Variants in PLEKHG4B observed in about 807,000 individuals in gnomAD.
The protein encoded by PLEKHG4B is pleckstrin homology and RhoGEF domain containing G4B, also known as pleckstrin homology domain-containing family G member 4B.
PLEKHG4B carries 111 observed loss-of-function variants against 121.3 expected under a neutral mutation model. The observed-to-expected ratio is 0.92, with a 90% CI of 0.78 to 1.07. The LOEUF is 1.07. Ranked by LOEUF, PLEKHG4B falls within the 50% of genes least tolerant of loss-of-function variation. PLEKHG4B has a pLI of 0.00. For synonymous variants in PLEKHG4B, 738 were observed against 725.0 expected, an observed-to-expected ratio of 1.02 and a Z score of -0.29; for missense variants, 1,831 against 1,757.8, an observed-to-expected ratio of 1.04 and a Z score of -0.74.
chr5:98,837 C>CTTTTTTCT (rs1733707022), intron 1 of PLEKHG4B, among the ~76,000 whole-genome samples: 1 of 79,238 alleles, frequency 1.3e-5, no homozygotes, highest in African/African-American at 5.2e-5. Context: ...TTGAATTTTC[C>CTTTTTTCT]TTTTTTTTTT....
In PLEKHG4B at chr5:140,404, G is replaced by A; in HGVS notation, c.1165G>A (p.Gly389Arg). 2 of 1,554,918 alleles carry A rather than the reference G, an allele frequency of 1.3e-6. No homozygotes were observed. Among genetic ancestry groups the A allele is most frequent in the Non-Finnish European group, 1.7e-6 (2 of 1,150,078 alleles). ...CCTGACTGGAGCCAGCAGGGACCTG[G>A]GGACTGGGGCAGTAGCCAGTGGGAC... ...SSLTGASRDL[G>R]TGAVASGTQE... The change falls in exon 3 of 20, where the codon GGG (glycine) becomes AGG (arginine). Residue 389 changes from glycine (G) to arginine (R), a missense_variant. Physicochemically the swap from Gly to Arg is moderately radical, Grantham distance 125. Coordinates refer to ENST00000637938, the MANE Select transcript of PLEKHG4B (RefSeq NM_052909.5).
rs1328377792 is a variant in PLEKHG4B, at chr5:144,520, T to C, written c.1812-307T>C. ...AGAAGGCCCTGAAGTCCTTGCTCCC[T>C]TGATGGAGCACGGCCCATTTCGTCC... On this transcript the variant is annotated intron_variant, in intron 5 of 19. Transcript: ENST00000637938. Among the ~76,000 whole-genome samples the C allele has an allele frequency of 2.0e-5, 3 of 152,308 alleles. No homozygotes were observed. In the East Asian group the frequency reaches 5.8e-4, roughly 29 times the overall value.
intron 6 of PLEKHG4B, among the ~76,000 whole-genome samples, chr5:148,344 CA>C (rs71590513): frequency 0.11 from 10,266 of 94,386 alleles, 657 homozygotes; most frequent in African/African-American, 0.22. Context: ...AACAGTTCCA[CA>C]AAAAAAAAAA....
chr5:96,439 A>G (rs931819678), intron 1 of PLEKHG4B, among the ~76,000 whole-genome samples: 11 of 152,272 alleles, frequency 7.2e-5, no homozygotes, highest in Middle Eastern at 3.2e-3. Flanking sequence ...GATATCACCA[A>G]GAAATAGGAA....
chr5:95,340 C>A (rs1314584377), intron 1 of PLEKHG4B, among the ~76,000 whole-genome samples: 1 of 152,110 alleles, frequency 6.6e-6, no homozygotes, highest in Admixed American at 6.5e-5. Context: ...CGCCCACATC[C>A]ACCCTGTGCC....
chr5:107,575 G>A (rs1734013163), intron 1 of PLEKHG4B, among the ~76,000 whole-genome samples: 1 of 152,230 alleles, frequency 6.6e-6, no homozygotes, highest in Admixed American at 6.5e-5. Flanking sequence ...CTTCCGGGAA[G>A]CTGGCCTAGA....
At chr5:111,414 A>G (rs867228524) in intron 1 of PLEKHG4B, among the ~76,000 whole-genome samples, 1 of 152,350 alleles carries the variant, frequency 6.6e-6, no homozygotes, top group Non-Finnish European at 1.5e-5. Context: ...GGAATCAGGC[A>G]GAGGTAGGGT....
chr5:146,842 C>G (rs560107142), intron 6 of PLEKHG4B, among the ~76,000 whole-genome samples: 1 of 151,260 alleles, frequency 6.6e-6, no homozygotes, highest in East Asian at 2.0e-4. Context: ...TTAGAGTGAA[C>G]CTGCCTCTTG....
chr5:177,149 A>T lies in PLEKHG4B; in HGVS notation c.4402+3051A>T, dbSNP rs6889904. Among the ~76,000 whole-genome samples, 341 of 152,082 alleles carry T rather than the reference A, an allele frequency of 2.2e-3. 2 individuals are homozygous for T. The highest frequency in any genetic ancestry group is 7.7e-3 in the African/African-American group (320 of 41,460). On this transcript the variant is annotated intron_variant, in intron 18 of 19. Transcript: ENST00000637938. Reference sequence around the variant, plus strand: ...ACTCTTTGTTATTTTCTTGTGTCTAACTTTTTCAGTGTTTCATTTGCTTTT... The same window carrying T: ...ACTCTTTGTTATTTTCTTGTGTCTATCTTTTTCAGTGTTTCATTTGCTTTT...
At chr5:121,064 G>A (rs1341539123) in intron 2 of PLEKHG4B, among the ~76,000 whole-genome samples, 1 of 151,928 alleles carries the variant, frequency 6.6e-6, no homozygotes, top group East Asian at 1.9e-4. Flanking sequence ...GGCTAACACG[G>A]TGAAACTCCA....
intron 5 of PLEKHG4B, chr5:144,207 A>G (rs1461066346): frequency 1.3e-5 from 2 of 152,402 alleles, no homozygotes; most frequent in Non-Finnish European, 2.9e-5. Flanking sequence ...TGAACACTAA[A>G]ATTTTGTAAA....
chr5:162,063 CTGCG>C, intron 12 of PLEKHG4B, 119 bp downstream of exon 12: 2 of 1,309,984 alleles, frequency 1.5e-6, no homozygotes, highest in Non-Finnish European at 2.0e-6. Flanking sequence ...GGCCGGGCAC[CTGCG>C]ATGGAGCCCC....
In PLEKHG4B at chr5:118,215, C is replaced by A. The variant is rs767452959; in HGVS notation, c.243+4767C>A. Among the ~76,000 whole-genome samples the A allele has an allele frequency of 9.8e-5, 15 of 152,310 alleles. No homozygotes were observed. In the East Asian group the frequency reaches 2.9e-3, roughly 29 times the overall value. On this transcript the variant is annotated intron_variant, in intron 2 of 19. Transcript: ENST00000637938. ...GAAGACATGATCTGTGAACCCCTAA[C>A]AACATAGTCCAAAAATGTGTGAAAT...
intron 1 of PLEKHG4B, among the ~76,000 whole-genome samples, chr5:97,413 A>G (rs188424816): frequency 3.7e-3 from 564 of 152,172 alleles, no homozygotes; most frequent in Non-Finnish European, 5.8e-3. Flanking sequence ...CGTTTTCCTC[A>G]TTCCAAAGTC....
rs539879312 is a variant in PLEKHG4B at position 172,415 on chromosome 5, G to A, written c.4051-482G>A. On this transcript the variant is annotated intron_variant, in intron 16 of 19. Transcript: ENST00000637938. Reference sequence around the variant, plus strand: ...AGCTTGAAGGGATTTCTGTGGGGACGAGGGAGGAGCTGTCGGATTCCCAGG... The same window carrying A: ...AGCTTGAAGGGATTTCTGTGGGGACAAGGGAGGAGCTGTCGGATTCCCAGG... Among the ~76,000 whole-genome samples the A allele has an allele frequency of 4.9e-4, 75 of 152,350 alleles. 1 individual carries two copies. Among genetic ancestry groups the A allele is most frequent in the Admixed American group, 1.6e-3 (24 of 15,300 alleles).
Position 183,970 on chromosome 5 carries a change from C to CAGATAGATAGATAGATAGATAGAT in PLEKHG4B, c.*1667_*1668insAGATAGATAGATAGATAGATAGAT, listed in dbSNP as rs76831360. The CAGATAGATAGATAGATAGATAGAT allele has an allele frequency of 8.5e-6, 1 of 118,104 alleles. No homozygotes were observed. 7.3% of individuals were successfully genotyped at this position (118,104 alleles called of 1,614,324 possible). On this transcript the variant is annotated 3_prime_UTR_variant, in exon 20 of 20. Coordinates refer to ENST00000637938, the MANE Select transcript of PLEKHG4B (RefSeq NM_052909.5). ...GGAGATAGCTAGATATATATACAGACAGATAGATAGATAGATAGATCGATA... is the reference window on the plus strand; with the variant it reads ...GGAGATAGCTAGATATATATACAGACAGATAGATAGATAGATAGATAGATAGATAGATAGATAGATAGATCGATA...
intron 2 of PLEKHG4B, among the ~76,000 whole-genome samples, chr5:115,839 G>A (rs572448327): frequency 1.3e-5 from 2 of 152,302 alleles, no homozygotes; most frequent in African/African-American, 4.8e-5. Context: ...TTGGCTTAAG[G>A]GAATGTTGTA....
At chr5:148,356 AATAAAT>A (rs1735497320) in intron 6 of PLEKHG4B, among the ~76,000 whole-genome samples, 2 of 149,308 alleles carry the variant, frequency 1.3e-5, no homozygotes, top group Admixed American at 6.6e-5. Flanking sequence ...AAAAAAAAAA[AATAAAT>A]AAAAATAAGT....
chr5:136,850 T>C (rs1036475234), intron 2 of PLEKHG4B, among the ~76,000 whole-genome samples: 7 of 152,218 alleles, frequency 4.6e-5, no homozygotes, highest in Admixed American at 4.6e-4. Flanking sequence ...GCAGTTCCAC[T>C]TCTGGGCACC....
Sources: allele counts gnomAD v4.1 joint callset (sites outside exome capture counted in the v4.1 genomes callset), GRCh38; gene constraint gnomAD v4.1.1; transcripts MANE v1.5; gene names NCBI Gene and HGNC (gene_info 2026-07-23, HGNC 2026-07-21).